Variants in CLTB observed in about 807,000 individuals in gnomAD.
CLTB encodes the protein clathrin, light chain (Lcb).
In CLTB, 10 loss-of-function variants were observed where a neutral mutation model predicts 30.5. That is an observed-to-expected ratio of 0.33 (90% CI 0.20 to 0.56). The LOEUF is 0.56. Among genes scored for constraint, CLTB ranks in the 20% least tolerant of loss-of-function variants. The pLI, the probability that CLTB is intolerant of heterozygous loss-of-function variation, is 0.91. For synonymous variants in CLTB, 102 were observed against 120.3 expected (o/e 0.85, Z 1.00); for missense variants, 261 against 308.3 (o/e 0.85, Z 1.15).
At chr5:176,408,185 A>C (rs897038538) in intron 2 of CLTB, among the ~76,000 whole-genome samples, 1 of 151,516 alleles carries the variant, frequency 6.6e-6, no homozygotes, top group Non-Finnish European at 1.5e-5. Flanking sequence ...GGGTGCGGAC[A>C]GAAGCAGTCT....
intron 5 of CLTB, among the ~76,000 whole-genome samples, chr5:176,395,084 C>CCCATCCCCA (rs369801294): frequency 4.1e-4 from 62 of 151,932 alleles, no homozygotes; most frequent in South Asian, 8.3e-4. Flanking sequence ...TCAGCTCCCA[C>CCCATCCCCA]CCATCCCCAC....
chr5:176,399,095 C>T (rs781162817), intron 2 of CLTB, among the ~76,000 whole-genome samples: 6 of 152,266 alleles, frequency 3.9e-5, no homozygotes, highest in Middle Eastern at 3.4e-3. Flanking sequence ...CCACCGGCCT[C>T]GGCCTCCCCA....
chr5:176,395,963 C>T lies in CLTB; in HGVS notation c.518+516G>A, dbSNP rs567056952. On this transcript the variant is annotated intron_variant, in intron 5 of 5. Transcript: ENST00000310418. ...CAGCCTGGCCGACATGGTGAAACCC[C>T]GTCTCTACTAAAAATACAAAAGTTA... 5.9e-5 allele frequency among the ~76,000 whole-genome samples: 9 copies of T among 152,184 alleles called. No individual in the cohort carries two copies. The East Asian group carries it at 9.7e-4, about 16-fold the overall frequency.
intron 2 of CLTB, among the ~76,000 whole-genome samples, chr5:176,403,574 C>T (rs1438622931): frequency 6.6e-6 from 1 of 151,980 alleles, no homozygotes; most frequent in Non-Finnish European, 1.5e-5. Flanking sequence ...CCTCCTCAGC[C>T]TCCCCAGTTG....
intron 2 of CLTB, among the ~76,000 whole-genome samples, chr5:176,398,992 G>A (rs910821800): frequency 2.0e-5 from 3 of 151,804 alleles, no homozygotes; most frequent in Admixed American, 6.6e-5. Flanking sequence ...ACAGGCACAC[G>A]TCACGACACC....
intron 5 of CLTB, among the ~76,000 whole-genome samples, chr5:176,394,933 A>AGG (rs1756447906): frequency 1.3e-5 from 2 of 151,864 alleles, no homozygotes; most frequent in Non-Finnish European, 2.9e-5. Context: ...GTGGTATTCC[A>AGG]CAGCACCCAT....
intron 1 of CLTB, 152 bp downstream of exon 1, chr5:176,416,025 A>T: frequency 1.4e-6 from 1 of 691,568 alleles, no homozygotes; most frequent in Non-Finnish European, 2.2e-6. Flanking sequence ...CGGAAGTCCT[A>T]CATGGAGATC....
intron 1 of CLTB, 63 bp downstream of exon 1, chr5:176,416,114 G>C (rs1182424162): frequency 1.4e-6 from 2 of 1,407,238 alleles, no homozygotes; most frequent in African/African-American, 3.0e-5. Flanking sequence ...GTGCCCCTGG[G>C]CCCCGGCCGG....
intron 1 of CLTB, among the ~76,000 whole-genome samples, chr5:176,410,686 G>T (rs1561801007): frequency 6.6e-6 from 1 of 152,188 alleles, no homozygotes; most frequent in Non-Finnish European, 1.5e-5. Context: ...TGAAGCCTGT[G>T]CCTGGTGAGT....
chr5:176,401,650 G>A (rs577345579), intron 2 of CLTB: 185 of 444,926 alleles, frequency 4.2e-4, no homozygotes, highest in African/African-American at 3.4e-3. Context: ...GGCAGTGGGG[G>A]CTGCCTCCTG....
intron 2 of CLTB, among the ~76,000 whole-genome samples, chr5:176,405,994 T>C (rs544720888): frequency 3.0e-4 from 45 of 152,154 alleles, no homozygotes; most frequent in Non-Finnish European, 6.0e-4. Context: ...CCGTGCACCA[T>C]GACCAGGAGA....
At chr5:176,415,710 A>G (rs943814214) in intron 1 of CLTB, among the ~76,000 whole-genome samples, 1 of 152,150 alleles carries the variant, frequency 6.6e-6, no homozygotes, top group Non-Finnish European at 1.5e-5. Context: ...GCCGAATGCC[A>G]GGCGGTCACC....
Position 176,406,845 on chromosome 5 carries a change from G to A in CLTB, c.234+3412C>T, listed in dbSNP as rs181230175. 307 of 577,604 alleles carry A rather than the reference G, an allele frequency of 5.3e-4. 1 individual carries two copies. In the African/African-American group the frequency reaches 5.7e-3, roughly 11 times the overall value. 35.8% of individuals were successfully genotyped at this position (577,604 alleles called of 1,614,324 possible). On this transcript the variant is annotated intron_variant, in intron 2 of 5. Coordinates refer to ENST00000310418, the MANE Select transcript of CLTB (RefSeq NM_007097.5). ...GCTATGCTCAATCCTAAAGAGCTGG[G>A]GCTTTCCACCTGTGACCCAGGCGCT...
intron 2 of CLTB, 80 bp downstream of exon 2, chr5:176,410,176 TA>T: frequency 8.3e-7 from 1 of 1,208,676 alleles, no homozygotes; most frequent in Non-Finnish European, 1.2e-6. Flanking sequence ...CCTGGAGCTG[TA>T]AGCCTACAAC....
At chr5:176,401,219 G>A (rs891398021) in intron 2 of CLTB, among the ~76,000 whole-genome samples, 1 of 152,202 alleles carries the variant, frequency 6.6e-6, no homozygotes, top group Non-Finnish European at 1.5e-5. Context: ...CAAACCTACC[G>A]AGCCTTCCAT....
intron 2 of CLTB, among the ~76,000 whole-genome samples, chr5:176,409,444 A>C (rs1220869228): frequency 2.9e-5 from 3 of 102,480 alleles, no homozygotes; most frequent in African/African-American, 1.2e-4. Context: ...ACAGAGTTTC[A>C]CTCTCATCTC....
At chr5:176,413,615 C>A (rs1223764993) in intron 1 of CLTB, among the ~76,000 whole-genome samples, 2 of 152,354 alleles carry the variant, frequency 1.3e-5, no homozygotes, top group South Asian at 2.1e-4. Context: ...CTCAGAGGTA[C>A]TGACTGGCGG....
At position 176,393,318 on chromosome 5, in the gene CLTB, T is replaced by C. The variant is rs952062601; in HGVS notation, c.519-373A>G. Reference sequence around the variant, plus strand: ...TGAGGTTCCTGACACCTAAAGACCCTTGGAGGTCCTAGGACGACCTAATGC... The same window carrying C: ...TGAGGTTCCTGACACCTAAAGACCCCTGGAGGTCCTAGGACGACCTAATGC... On this transcript the variant is annotated intron_variant, in intron 5 of 5. Coordinates refer to ENST00000310418, the MANE Select transcript of CLTB (RefSeq NM_007097.5). This position sits in a 1 kb window ranked among gnomAD's most constrained non-coding sequence, Gnocchi z 4.4. Among the ~76,000 whole-genome samples, 1 of 152,126 alleles carries C rather than the reference T, an allele frequency of 6.6e-6. No individual in the cohort carries two copies. The highest frequency in any genetic ancestry group is 1.5e-5 in the Non-Finnish European group (1 of 67,974).
At chr5:176,413,993 A>C (rs1581451328) in intron 1 of CLTB, among the ~76,000 whole-genome samples, 1 of 152,194 alleles carries the variant, frequency 6.6e-6, no homozygotes, top group Non-Finnish European at 1.5e-5. Context: ...TGCCAAGGAC[A>C]GAACTTGCCA....
Sources: allele counts gnomAD v4.1 joint callset (sites outside exome capture counted in the v4.1 genomes callset), GRCh38; gene constraint gnomAD v4.1.1; non-coding constraint Gnocchi (gnomAD v3.1); transcripts MANE v1.5; gene names NCBI Gene and HGNC (gene_info 2026-07-23, HGNC 2026-07-21).